Variants in RAB30 observed in about 807,000 individuals in gnomAD.
The protein encoded by RAB30 is ras-related protein Rab-30.
Under a neutral mutation model 25.1 loss-of-function variants are expected in RAB30, and 9 were observed. The observed-to-expected ratio is 0.36, with a 90% CI of 0.22 to 0.63. The LOEUF (loss-of-function observed/expected upper bound fraction) is 0.63, where lower values mean the gene tolerates loss of function less well. Among genes scored for constraint, RAB30 ranks in the 20% least tolerant of loss-of-function variants. RAB30 has a pLI of 0.69. For missense variants in RAB30, 140 were observed against 243.5 expected, an observed-to-expected ratio of 0.58 and a Z score of 2.83; for synonymous variants, 77 against 86.4, an observed-to-expected ratio of 0.89 and a Z score of 0.60.
At chr11:83,014,068 C>T (rs1857361299) in intron 1 of RAB30, among the ~76,000 whole-genome samples, 1 of 152,158 alleles carries the variant, frequency 6.6e-6, no homozygotes, top group Non-Finnish European at 1.5e-5. Flanking sequence ...GACAAGTTCC[C>T]CCTCTCATAC....
chr11:83,027,768 C>T (rs917347601), intron 1 of RAB30, among the ~76,000 whole-genome samples: 3 of 152,164 alleles, frequency 2.0e-5, no homozygotes, highest in African/African-American at 7.2e-5. Flanking sequence ...TCCATTCCCC[C>T]AATGAAAATC....
chr11:82,997,134 G>A, intron 2 of RAB30, 90 bp downstream of exon 2: 1 of 1,047,466 alleles, frequency 9.5e-7, no homozygotes, highest in Non-Finnish European at 1.5e-6. Flanking sequence ...ATTGAAACTG[G>A]TCATCCATCT....
chr11:83,003,525 C>T (rs898056608), intron 1 of RAB30, among the ~76,000 whole-genome samples: 5 of 152,188 alleles, frequency 3.3e-5, no homozygotes, highest in South Asian at 2.1e-4. Flanking sequence ...TGGGTTCAAG[C>T]GATTCTCCTG....
chr11:83,025,905 A>G (rs1857701175), intron 1 of RAB30, among the ~76,000 whole-genome samples: 1 of 152,166 alleles, frequency 6.6e-6, no homozygotes, highest in Non-Finnish European at 1.5e-5. Context: ...ATATAGATAC[A>G]AGGCCAGGCA....
intron 3 of RAB30, among the ~76,000 whole-genome samples, chr11:82,990,974 C>T (rs948409669): frequency 1.3e-5 from 2 of 152,036 alleles, no homozygotes; most frequent in Non-Finnish European, 2.9e-5. Context: ...AAATCTAATA[C>T]CTTGGATTCC....
At chr11:82,991,215 G>A (rs533181164) in intron 3 of RAB30, among the ~76,000 whole-genome samples, 14 of 152,254 alleles carry the variant, frequency 9.2e-5, no homozygotes, top group Admixed American at 3.9e-4. Flanking sequence ...TAAAGAAGAA[G>A]GATGACAGGC....
At chr11:82,985,458 T>C (rs1303454171) in intron 4 of RAB30, among the ~76,000 whole-genome samples, 1 of 152,106 alleles carries the variant, frequency 6.6e-6, no homozygotes. Flanking sequence ...GTGTTTTGTC[T>C]AAAAAGAAAA....
intron 1 of RAB30, among the ~76,000 whole-genome samples, chr11:83,025,008 T>C (rs1184856533): frequency 6.6e-6 from 1 of 152,228 alleles, no homozygotes; most frequent in Non-Finnish European, 1.5e-5. Flanking sequence ...CCAAGTTTGT[T>C]TGAACGCTAG....
At chr11:83,057,299 T>G (rs558675368) in intron 1 of RAB30, among the ~76,000 whole-genome samples, 1 of 152,300 alleles carries the variant, frequency 6.6e-6, no homozygotes, top group East Asian at 1.9e-4. Context: ...TATTACTATT[T>G]CAGACAGAAG....
At chr11:82,997,788 A>G (rs1856989128) in intron 1 of RAB30, among the ~76,000 whole-genome samples, 2 of 152,142 alleles carry the variant, frequency 1.3e-5, no homozygotes, top group Admixed American at 6.6e-5. Flanking sequence ...AGAGGAAGGA[A>G]CTATAAAGGG....
intron 1 of RAB30, among the ~76,000 whole-genome samples, chr11:83,019,697 C>T (rs1203763329): frequency 6.6e-6 from 1 of 152,192 alleles, no homozygotes; most frequent in African/African-American, 2.4e-5. Flanking sequence ...CATATTTGGT[C>T]TTATAATCAT....
rs1274942731 is a variant in RAB30, at chr11:83,014,646, G to GAA, written c.-8-17324_-8-17323dup. Among the ~76,000 whole-genome samples, 20 of 109,376 alleles carry GAA rather than the reference G, an allele frequency of 1.8e-4. 1 individual carries two copies. Among genetic ancestry groups the GAA allele is most frequent in the South Asian group, 5.9e-4 (2 of 3,382 alleles). 71.8% of individuals were successfully genotyped at this position (109,376 alleles called of 152,430 possible). On this transcript the variant is annotated intron_variant, in intron 1 of 4. Coordinates refer to ENST00000527633, the MANE Select transcript of RAB30 (RefSeq NM_001286060.2). ...GAAAGAAGTAAGAAAAAGAAAGAAA[G>GAA]AAAGAAAGAAAGAAAGAAAGAAAGA...
At chr11:83,063,660 G>A (rs1400545203) in intron 1 of RAB30, among the ~76,000 whole-genome samples, 1 of 152,210 alleles carries the variant, frequency 6.6e-6, no homozygotes, top group African/African-American at 2.4e-5. Context: ...CTTAGTAAAA[G>A]AGTTCAGCCC....
At chr11:83,020,072 GA>G (rs1857533505) in intron 1 of RAB30, among the ~76,000 whole-genome samples, 1 of 152,250 alleles carries the variant, frequency 6.6e-6, no homozygotes, top group African/African-American at 2.4e-5. Context: ...CTGAACTGGG[GA>G]GGGAGCTACC....
At chr11:83,040,222 T>C (rs1465706745) in intron 1 of RAB30, among the ~76,000 whole-genome samples, 2 of 152,082 alleles carry the variant, frequency 1.3e-5, no homozygotes, top group East Asian at 3.9e-4. Context: ...AAAAGAGATT[T>C]TGACAAATGG....
intron 1 of RAB30, among the ~76,000 whole-genome samples, chr11:83,004,106 C>A (rs1857140104): frequency 1.3e-5 from 2 of 152,182 alleles, no homozygotes; most frequent in Admixed American, 6.5e-5. Flanking sequence ...GCTGAGAATT[C>A]TTTTCTCATA....
At chr11:83,024,874 AGTTT>A in intron 1 of RAB30, among the ~76,000 whole-genome samples, 1 of 152,320 alleles carries the variant, frequency 6.6e-6, no homozygotes, top group South Asian at 2.1e-4. Flanking sequence ...CAGCATCCCA[AGTTT>A]GTTTGACTAC....
At chr11:82,997,369 T>G (rs1191820566) in intron 1 of RAB30, 45 bp from the exon 2 acceptor site, 1 of 1,361,282 alleles carries the variant, frequency 7.3e-7, no homozygotes, top group South Asian at 1.2e-5. Context: ...CCAGTCAGAC[T>G]TGCCCACAGA....
rs960358881 is a variant in RAB30, at chr11:83,049,336, G to A, written c.-9+22355C>T. Among the ~76,000 whole-genome samples, 10 of 151,820 alleles carry A rather than the reference G, an allele frequency of 6.6e-5. No homozygotes were observed. In the South Asian group the frequency reaches 1.0e-3, roughly 16 times the overall value. On this transcript the variant is annotated intron_variant, in intron 1 of 4. Transcript: ENST00000527633. ...TGAGGCAGGAGAATCGCTTGAACCCGGGAGGCGGAGGTTGCAGTGAGCCGA... is the reference window on the plus strand; with the variant it reads ...TGAGGCAGGAGAATCGCTTGAACCCAGGAGGCGGAGGTTGCAGTGAGCCGA...
Sources: gnomAD v4.1 joint callset for allele counts (sites outside exome capture counted in the v4.1 genomes callset) on GRCh38, gnomAD v4.1.1 for gene constraint, MANE v1.5 for transcripts, NCBI Gene and HGNC (gene_info 2026-07-23, HGNC 2026-07-21) for gene names.